The following MALRD1 variants were observed in gnomAD, a reference collection of about 807,000 sequenced individuals.
The protein encoded by MALRD1 is MAM and LDL-receptor class A domain-containing protein 1.
Under a neutral mutation model 242.1 loss-of-function variants are expected in MALRD1, and 247 were observed. That is an observed-to-expected ratio of 1.02 (90% CI 0.92 to 1.13). The LOEUF (loss-of-function observed/expected upper bound fraction) is 1.13, where lower values mean the gene tolerates loss of function less well. MALRD1 is among the 50% of genes most tolerant of loss of function. MALRD1 has a pLI of 0.00. For synonymous variants in MALRD1, 995 were observed against 866.6 expected, an observed-to-expected ratio of 1.15 and a Z score of -2.60; for missense variants, 2,989 against 2,533.1, an observed-to-expected ratio of 1.18 and a Z score of -3.86.
chr10:19,538,247 AC>A (rs781638045), intron 32 of MALRD1, among the ~76,000 whole-genome samples: 7 of 152,208 alleles, frequency 4.6e-5, no homozygotes, highest in Non-Finnish European at 7.4e-5. Context: ...AATTAGGAAG[AC>A]TTCAATATCT....
intron 34 of MALRD1, 106 bp from the exon 35 acceptor site, chr10:19,607,671 C>A: frequency 7.5e-7 from 1 of 1,326,028 alleles, no homozygotes; most frequent in South Asian, 1.8e-5. Flanking sequence ...TAGAAAAAAT[C>A]AAGAGTAATA....
intron 26 of MALRD1, among the ~76,000 whole-genome samples, chr10:19,378,876 T>C (rs1845715950): frequency 6.6e-6 from 1 of 152,104 alleles, no homozygotes; most frequent in South Asian, 2.1e-4. Context: ...GAGTACATGT[T>C]GGGTTACTAT....
chr10:19,106,975 G>C (rs182340186), intron 5 of MALRD1, among the ~76,000 whole-genome samples: 13 of 151,762 alleles, frequency 8.6e-5, no homozygotes, highest in African/African-American at 2.4e-4. Flanking sequence ...GTTTTATTCC[G>C]TTTTGGCTGG....
At chr10:19,445,717 G>T (rs566169313) in intron 28 of MALRD1, among the ~76,000 whole-genome samples, 17 of 152,208 alleles carry the variant, frequency 1.1e-4, no homozygotes, top group Admixed American at 7.9e-4. Flanking sequence ...CTACTGGGAG[G>T]TGTCTCCCAC....
At chr10:19,505,394 C>G (rs1159855933) in intron 31 of MALRD1, among the ~76,000 whole-genome samples, 3 of 151,954 alleles carry the variant, frequency 2.0e-5, no homozygotes, top group Non-Finnish European at 1.5e-5. Context: ...GGACTGTTGT[C>G]CTCATAAAAT....
At chr10:19,581,913 C>A (rs893036135) in intron 33 of MALRD1, among the ~76,000 whole-genome samples, 3 of 152,218 alleles carry the variant, frequency 2.0e-5, no homozygotes, top group Non-Finnish European at 2.9e-5. Context: ...GATTCCCATT[C>A]TAACTGGTGT....
At chr10:19,522,008 T>C (rs1321434013) in intron 31 of MALRD1, among the ~76,000 whole-genome samples, 3 of 152,110 alleles carry the variant, frequency 2.0e-5, no homozygotes, top group Non-Finnish European at 4.4e-5. Flanking sequence ...TACTCACTTC[T>C]GGGCTATTGT....
At chr10:19,432,813 A>G (rs1157836276) in intron 28 of MALRD1, among the ~76,000 whole-genome samples, 1 of 152,246 alleles carries the variant, frequency 6.6e-6, no homozygotes. Flanking sequence ...CAATGATTGC[A>G]TTCCTGATAT....
intron 36 of MALRD1, among the ~76,000 whole-genome samples, chr10:19,687,117 C>G (rs554140369): frequency 6.6e-6 from 1 of 151,840 alleles, no homozygotes; most frequent in African/African-American, 2.4e-5. Context: ...GTAATTACAT[C>G]GTATCTAACA....
At chr10:19,622,661 C>A (rs767424671) in intron 36 of MALRD1, among the ~76,000 whole-genome samples, 545 of 123,042 alleles carry the variant, frequency 4.4e-3, no homozygotes, top group Non-Finnish European at 6.0e-3. Context: ...AAAAAAAAAA[C>A]AAACTATGAG....
At chr10:19,371,340 A>G (rs1014809049) in intron 26 of MALRD1, among the ~76,000 whole-genome samples, 5 of 152,176 alleles carry the variant, frequency 3.3e-5, no homozygotes, top group African/African-American at 9.6e-5. Flanking sequence ...TATTAGCTGT[A>G]CATTTTTTAT....
At chr10:19,341,150 TTCTC>T (rs1322236505) in intron 24 of MALRD1, among the ~76,000 whole-genome samples, 1 of 152,066 alleles carries the variant, frequency 6.6e-6, no homozygotes, top group African/African-American at 2.4e-5. Flanking sequence ...TTTTACAACT[TTCTC>T]TCTGTTTTTA....
At chr10:19,369,958 T>G (rs1845300984) in intron 26 of MALRD1, among the ~76,000 whole-genome samples, 1 of 152,138 alleles carries the variant, frequency 6.6e-6, no homozygotes, top group South Asian at 2.1e-4. Context: ...TGCTGCTTTC[T>G]ATGCTTCTGC....
intron 18 of MALRD1, among the ~76,000 whole-genome samples, chr10:19,253,290 T>C (rs1839373583): frequency 6.6e-6 from 1 of 152,014 alleles, no homozygotes; most frequent in Non-Finnish European, 1.5e-5. Context: ...TACTATATGC[T>C]GGTTATAAAA....
chr10:19,687,910 AATGTTATGTT>A (rs55753738), intron 36 of MALRD1, among the ~76,000 whole-genome samples: 24,400 of 137,188 alleles, frequency 0.18, 2,532 homozygotes, highest in African/African-American at 0.26. Flanking sequence ...TTATTTTTTT[AATGTTATGTT>A]ATGTTATGTT....
chr10:19,262,583 G>A (rs545946295), intron 19 of MALRD1, among the ~76,000 whole-genome samples: 1 of 151,538 alleles, frequency 6.6e-6, no homozygotes, highest in South Asian at 2.1e-4. Context: ...TTGAAACTGG[G>A]AGGTGGAAGT....
intron 28 of MALRD1, among the ~76,000 whole-genome samples, chr10:19,409,623 A>G (rs941250355): frequency 3.3e-5 from 5 of 152,172 alleles, no homozygotes; most frequent in Non-Finnish European, 5.9e-5. Flanking sequence ...ATTTGTGTCA[A>G]TATCCTAGTT....
chr10:19,668,498 A>G (rs1841780096), intron 36 of MALRD1, among the ~76,000 whole-genome samples: 1 of 152,192 alleles, frequency 6.6e-6, no homozygotes, highest in African/African-American at 2.4e-5. Flanking sequence ...AGGATAACCA[A>G]ATGTGGGAGA....
chr10:19,420,083 G>A (rs976959303), intron 28 of MALRD1, among the ~76,000 whole-genome samples: 15 of 152,134 alleles, frequency 9.9e-5, no homozygotes, highest in Non-Finnish European at 8.8e-5. Flanking sequence ...AGGGAGCAGT[G>A]GAGCGCACAC....
Sources: gnomAD v4.1 joint callset for allele counts (sites outside exome capture counted in the v4.1 genomes callset) on GRCh38, gnomAD v4.1.1 for gene constraint, MANE v1.5 for transcripts, NCBI Gene and HGNC (gene_info 2026-07-23, HGNC 2026-07-21) for gene names.